The following ALDH1A1 variants were observed in gnomAD, a reference collection of about 807,000 sequenced individuals.
The protein encoded by ALDH1A1 is aldehyde dehydrogenase 1 family member A1.
A neutral mutation model predicts 62.1 loss-of-function variants in ALDH1A1; 19 were observed. The observed-to-expected ratio is 0.31, with a 90% CI of 0.21 to 0.45. The LOEUF (loss-of-function observed/expected upper bound fraction) is 0.45. ALDH1A1 is among the 20% of genes least tolerant of loss of function. The pLI, the probability that ALDH1A1 is intolerant of heterozygous loss-of-function variation, is 1.00. For missense variants in ALDH1A1, 521 were observed against 607.1 expected (o/e 0.86, Z 1.49); for synonymous variants, 231 against 215.9 (o/e 1.07, Z -0.61).
intron 4 of ALDH1A1, among the ~76,000 whole-genome samples, chr9:72,927,692 T>C (rs189900550): frequency 6.6e-6 from 1 of 152,288 alleles, no homozygotes; most frequent in African/African-American, 2.4e-5. Context: ...ATATAATTTT[T>C]AGAAATAGTA....
At chr9:72,933,540 T>G (rs1257373073) in intron 2 of ALDH1A1, among the ~76,000 whole-genome samples, 2 of 138,102 alleles carry the variant, frequency 1.4e-5, no homozygotes, top group African/African-American at 2.8e-5. Context: ...TGAGCTGAGA[T>G]TGCACCACTG....
At chr9:72,950,061 A>G (rs951030647) in intron 1 of ALDH1A1, among the ~76,000 whole-genome samples, 5 of 151,802 alleles carry the variant, frequency 3.3e-5, no homozygotes, top group Non-Finnish European at 5.9e-5. Flanking sequence ...TGTAGGAAAC[A>G]GGTCTAGGAA....
chr9:72,909,154 G>GTTT (rs1564623273), intron 11 of ALDH1A1, among the ~76,000 whole-genome samples: 3 of 87,752 alleles, frequency 3.4e-5, no homozygotes, highest in African/African-American at 1.1e-4. Flanking sequence ...TTCCAATACA[G>GTTT]CTTTTTTTTT....
chr9:72,916,871 A>T (rs769182210), intron 9 of ALDH1A1, 49 bp downstream of exon 9: 1 of 1,444,508 alleles, frequency 6.9e-7, no homozygotes, highest in South Asian at 1.5e-5. Flanking sequence ...TAAAGAGGAT[A>T]CTTTATTCCT....
At chr9:72,943,659 T>A (rs1158038990) in intron 1 of ALDH1A1, among the ~76,000 whole-genome samples, 2 of 152,156 alleles carry the variant, frequency 1.3e-5, no homozygotes, top group African/African-American at 4.8e-5. Flanking sequence ...TATATAATCA[T>A]GATTAGTAAC....
intron 12 of ALDH1A1, among the ~76,000 whole-genome samples, chr9:72,903,277 G>A (rs1829830395): frequency 6.6e-6 from 1 of 151,942 alleles, no homozygotes; most frequent in Non-Finnish European, 1.5e-5. Flanking sequence ...TTACACAAAG[G>A]GAGGAATTTC....
intron 9 of ALDH1A1, among the ~76,000 whole-genome samples, chr9:72,913,954 A>G (rs1244498932): frequency 2.0e-5 from 3 of 152,244 alleles, no homozygotes; most frequent in African/African-American, 7.2e-5. Flanking sequence ...CACCACAAAT[A>G]CAGACCTTCT....
Position 72,942,263 on chromosome 9 carries a change from C to G in ALDH1A1, c.67-2011G>C, listed in dbSNP as rs1477567832. The G allele has an allele frequency of 3.1e-6, 3 of 983,124 alleles. No individual in the cohort carries two copies. In the East Asian group the frequency reaches 3.4e-4, roughly 111 times the overall value. 60.9% of individuals were successfully genotyped at this position (983,124 alleles called of 1,614,324 possible). A position where few individuals can be genotyped will look rare whatever the true frequency, so the allele number is the denominator to read the frequency against. The stretch of plus-strand genomic sequence containing the variant: ...CCTTACAGCTTAGTATTTTTCTTCT[C>G]AAGGGATGGCTGGGAAAGAACTTAA... On this transcript the variant is annotated intron_variant, in intron 1 of 12. Transcript: ENST00000297785.
chr9:72,916,633 C>A (rs1830068089), intron 9 of ALDH1A1, among the ~76,000 whole-genome samples: 1 of 151,998 alleles, frequency 6.6e-6, no homozygotes, highest in African/African-American at 2.4e-5. Context: ...AAGAGGTGTG[C>A]AGATTGAGGA....
At chr9:72,923,877 T>G in intron 7 of ALDH1A1, 142 bp downstream of exon 7, 1 of 553,822 alleles carries the variant, frequency 1.8e-6, no homozygotes, top group South Asian at 2.5e-5. Flanking sequence ...TCTATCCATA[T>G]GTTTGAAGGC....
intron 1 of ALDH1A1, among the ~76,000 whole-genome samples, chr9:72,944,302 C>T (rs1830450116): frequency 6.6e-6 from 1 of 152,050 alleles, no homozygotes; most frequent in Non-Finnish European, 1.5e-5. Context: ...TGTAACAGTG[C>T]AGTCTACAAA....
chr9:72,924,721 T>G (rs953648572), intron 6 of ALDH1A1, among the ~76,000 whole-genome samples: 3 of 152,228 alleles, frequency 2.0e-5, no homozygotes, highest in African/African-American at 7.2e-5. Context: ...CAATTTCATG[T>G]TATTTGCATC....
intron 11 of ALDH1A1, 115 bp from the exon 12 acceptor site, chr9:72,906,147 A>T: frequency 1.6e-6 from 1 of 644,978 alleles, no homozygotes; most frequent in East Asian, 2.8e-5. Flanking sequence ...TTTCATTATA[A>T]CATACTCATC....
At chr9:72,902,104 A>C (rs186678453) in intron 12 of ALDH1A1, among the ~76,000 whole-genome samples, 1 of 152,034 alleles carries the variant, frequency 6.6e-6, no homozygotes, top group African/African-American at 2.4e-5. Context: ...TATAACTCTT[A>C]AGTTCAACCC....
intron 1 of ALDH1A1, among the ~76,000 whole-genome samples, chr9:72,943,895 G>A (rs1355451840): frequency 6.6e-6 from 1 of 151,868 alleles, no homozygotes; most frequent in African/African-American, 2.4e-5. Context: ...GTGTAGAGGG[G>A]CATAGGCTGA....
rs1464395163 is a variant in ALDH1A1 at position 72,926,927 on chromosome 9, T to C, written c.504+189A>G. ...CTCAAGAGATATGCCAGAATATAGA[T>C]AGGTTTTCGGACTACCTAATTCATA... On this transcript the variant is annotated intron_variant, in intron 5 of 12. Coordinates refer to ENST00000297785, the MANE Select transcript of ALDH1A1 (RefSeq NM_000689.5). 6.1e-6 allele frequency: 3 copies of C among 488,228 alleles called. No homozygotes were observed. The East Asian group carries it at 9.3e-5, about 15-fold the overall frequency. 30.2% of individuals were successfully genotyped at this position (488,228 alleles called of 1,614,324 possible). A position where few individuals can be genotyped will look rare whatever the true frequency, so the allele number is the denominator to read the frequency against.
At chr9:72,901,457 C>A (rs1324969182) in intron 12 of ALDH1A1, among the ~76,000 whole-genome samples, 177 bp from the exon 13 acceptor site, 2 of 152,074 alleles carry the variant, frequency 1.3e-5, no homozygotes, top group Non-Finnish European at 2.9e-5. Context: ...TCTGGTCTTA[C>A]ACAGATTCCC....
intron 1 of ALDH1A1, among the ~76,000 whole-genome samples, chr9:72,946,132 A>G (rs1301260573): frequency 2.0e-5 from 3 of 152,028 alleles, no homozygotes; most frequent in African/African-American, 7.2e-5. Context: ...TTTCTGTATC[A>G]GAGTTAAGAT....
At chr9:72,945,419 T>C (rs897987675) in intron 1 of ALDH1A1, among the ~76,000 whole-genome samples, 1 of 151,864 alleles carries the variant, frequency 6.6e-6, no homozygotes, top group African/African-American at 2.4e-5. Flanking sequence ...AGATCACATT[T>C]TCAATGCACA....
Sources: gnomAD v4.1 joint callset for allele counts (sites outside exome capture counted in the v4.1 genomes callset) on GRCh38, gnomAD v4.1.1 for gene constraint, MANE v1.5 for transcripts, NCBI Gene and HGNC (gene_info 2026-07-23, HGNC 2026-07-21) for gene names.